The following THRB variants were observed in gnomAD, a reference collection of about 807,000 sequenced individuals.
THRB encodes thyroid hormone receptor beta.
THRB carries 12 observed loss-of-function variants against 47.8 expected under a neutral mutation model. That is an observed-to-expected ratio of 0.25 (90% CI 0.16 to 0.41). The LOEUF (loss-of-function observed/expected upper bound fraction) is 0.41. Among genes scored for constraint, THRB ranks in the 10% least tolerant of loss-of-function variants. The pLI is 1.00. For synonymous variants in THRB, 218 were observed against 212.2 expected (o/e 1.03, Z -0.24); for missense variants, 348 against 589.2 (o/e 0.59, Z 4.24).
At chr3:24,298,648 T>C (rs996614132) in intron 2 of THRB, among the ~76,000 whole-genome samples, 2 of 152,204 alleles carry the variant, frequency 1.3e-5, no homozygotes, top group African/African-American at 4.8e-5. Flanking sequence ...TCTGTACAGA[T>C]AAGAATTATC....
chr3:24,263,812 G>A (rs1347638864), intron 3 of THRB, among the ~76,000 whole-genome samples: 2 of 152,094 alleles, frequency 1.3e-5, no homozygotes, highest in African/African-American at 4.8e-5. Flanking sequence ...CTTTAAAGAA[G>A]TAACTTTGTT....
chr3:24,120,637 T>A lies in THRB; in HGVS notation c.*2247A>T, dbSNP rs184127163. On this transcript the variant is annotated 3_prime_UTR_variant, in exon 11 of 11. Transcript: ENST00000646209. ...ACCCTGGAGCACAGAGGTGGCTAAG[T>A]GTTTGTCTTCCAAAGAGCGGTTGGT... 3.9e-5 allele frequency: 6 copies of A among 152,314 alleles called. No individual in the cohort carries two copies. Among genetic ancestry groups the A allele is most frequent in the Admixed American group, 3.9e-4 (6 of 15,294 alleles). 9.4% of individuals were successfully genotyped at this position (152,314 alleles called of 1,614,324 possible).
intron 3 of THRB, among the ~76,000 whole-genome samples, chr3:24,236,642 T>C (rs950561176): frequency 3.9e-5 from 6 of 152,110 alleles, no homozygotes; most frequent in Admixed American, 6.6e-5. Flanking sequence ...GGAGGTGAAA[T>C]TGCTTCTCCT....
At chr3:24,271,277 T>C (rs1009586843) in intron 3 of THRB, among the ~76,000 whole-genome samples, 2 of 152,222 alleles carry the variant, frequency 1.3e-5, no homozygotes, top group East Asian at 1.9e-4. Context: ...ATGAAAATAC[T>C]AAACAATCAG....
chr3:24,477,453 C>T (rs1695656167), intron 1 of THRB, among the ~76,000 whole-genome samples: 1 of 152,036 alleles, frequency 6.6e-6, no homozygotes, highest in Admixed American at 6.6e-5. Context: ...CCCTGGGGAC[C>T]TTGTTTAAAT....
chr3:24,192,556 A>G (rs934223852), intron 4 of THRB, among the ~76,000 whole-genome samples: 1 of 152,188 alleles, frequency 6.6e-6, no homozygotes, highest in Non-Finnish European at 1.5e-5. Flanking sequence ...AAATTAAGAA[A>G]AACAGCCAAA....
At chr3:24,326,643 T>A (rs528161999) in intron 2 of THRB, among the ~76,000 whole-genome samples, 5 of 152,068 alleles carry the variant, frequency 3.3e-5, no homozygotes, top group Non-Finnish European at 7.4e-5. Context: ...TGACAACGTG[T>A]TTTCCCAAAG....
At chr3:24,271,539 G>A (rs563339924) in intron 3 of THRB, among the ~76,000 whole-genome samples, 1 of 152,128 alleles carries the variant, frequency 6.6e-6, no homozygotes, top group Non-Finnish European at 1.5e-5. Flanking sequence ...GGGATGAACA[G>A]AGTATTTCTA....
At chr3:24,366,159 C>T (rs778059690) in intron 1 of THRB, among the ~76,000 whole-genome samples, 8 of 152,144 alleles carry the variant, frequency 5.3e-5, no homozygotes, top group Non-Finnish European at 8.8e-5. Flanking sequence ...CTACCCTACC[C>T]AGTTCCAGTT....
At chr3:24,358,007 G>A (rs2063806196) in intron 1 of THRB, among the ~76,000 whole-genome samples, 1 of 152,044 alleles carries the variant, frequency 6.6e-6, no homozygotes, top group South Asian at 2.1e-4. Flanking sequence ...TGACTAGAAT[G>A]GAAGCTCCAT....
intron 1 of THRB, among the ~76,000 whole-genome samples, chr3:24,370,218 T>A (rs2064802254): frequency 6.6e-6 from 1 of 152,120 alleles, no homozygotes; most frequent in African/African-American, 2.4e-5. Flanking sequence ...GTAAAATTAT[T>A]TTCAGATAAC....
chr3:24,435,342 T>G (rs1344264449), intron 1 of THRB, among the ~76,000 whole-genome samples: 2 of 152,120 alleles, frequency 1.3e-5, no homozygotes, highest in Non-Finnish European at 2.9e-5. Flanking sequence ...AGGAAATGCG[T>G]AGGCAGAGGG....
At chr3:24,394,220 G>T (rs549361447) in intron 1 of THRB, among the ~76,000 whole-genome samples, 1 of 152,106 alleles carries the variant, frequency 6.6e-6, no homozygotes, top group East Asian at 1.9e-4. Flanking sequence ...TTTATGGGAT[G>T]TGAGAGAAGT....
chr3:24,372,202 C>A (rs2064969841), intron 1 of THRB, among the ~76,000 whole-genome samples: 1 of 151,954 alleles, frequency 6.6e-6, no homozygotes. Context: ...ATGGTGTGCT[C>A]CCCCTCCCAA....
At chr3:24,189,990 A>AGT in intron 5 of THRB, 84 bp downstream of exon 5, 1 of 1,339,156 alleles carries the variant, frequency 7.5e-7, no homozygotes, top group Non-Finnish European at 1.1e-6. Context: ...TGGAAGAGAA[A>AGT]TGTAGATGAA....
At chr3:24,160,841 T>A (rs1409300361) in intron 5 of THRB, among the ~76,000 whole-genome samples, 1 of 152,216 alleles carries the variant, frequency 6.6e-6, no homozygotes, top group African/African-American at 2.4e-5. Flanking sequence ...GAACTCCATA[T>A]GCAGAAAGTC....
intron 1 of THRB, among the ~76,000 whole-genome samples, chr3:24,405,808 G>T (rs995974215): frequency 6.6e-6 from 1 of 151,386 alleles, no homozygotes; most frequent in African/African-American, 2.4e-5. Flanking sequence ...GCATTAAATT[G>T]TTGGATTACT....
chr3:24,355,258 G>T (rs2063602529), intron 1 of THRB, among the ~76,000 whole-genome samples: 1 of 152,036 alleles, frequency 6.6e-6, no homozygotes, highest in Admixed American at 6.6e-5. Flanking sequence ...ACACACTGGA[G>T]ACATTCTACA....
intron 1 of THRB, among the ~76,000 whole-genome samples, chr3:24,388,154 C>T (rs1378397000): frequency 6.6e-6 from 1 of 152,092 alleles, no homozygotes; most frequent in Non-Finnish European, 1.5e-5. Context: ...AGTCATTCCC[C>T]TTCCCAAGCA....
Sources: gnomAD v4.1 joint callset for allele counts (sites outside exome capture counted in the v4.1 genomes callset) on GRCh38, gnomAD v4.1.1 for gene constraint, MANE v1.5 for transcripts, NCBI Gene and HGNC (gene_info 2026-07-23, HGNC 2026-07-21) for gene names.